TAS2R1: variants seen among roughly 807,000 people sequenced by gnomAD.
The protein encoded by TAS2R1 is taste receptor type 2 member 1.
For synonymous variants in TAS2R1, 141 were observed against 134.2 expected (o/e 1.05, Z -0.35); for missense variants, 370 against 353.4 (o/e 1.05, Z -0.38).
chr5:9,812,787 G>C, the TAS2R1 span, among the ~76,000 whole-genome samples: 4 of 152,154 alleles, frequency 2.6e-5, no homozygotes, highest in Non-Finnish European at 5.9e-5. Flanking sequence ...GGTAGTGAAA[G>C]CAAGCCATGT....
At chr5:9,808,727 T>C in the TAS2R1 span, among the ~76,000 whole-genome samples, 1 of 152,088 alleles carries the variant, frequency 6.6e-6, no homozygotes, top group Non-Finnish European at 1.5e-5. Flanking sequence ...AATAGGATGA[T>C]AGGGAAGATG....
the TAS2R1 span, among the ~76,000 whole-genome samples, chr5:9,823,720 G>T: frequency 1.3e-5 from 2 of 150,246 alleles, no homozygotes; most frequent in African/African-American, 4.9e-5. Flanking sequence ...GGGAGGGACA[G>T]ATGGACGGAG....
At chr5:9,751,530 C>T in the TAS2R1 span, among the ~76,000 whole-genome samples, 1 of 152,202 alleles carries the variant, frequency 6.6e-6, no homozygotes, top group East Asian at 1.9e-4. Context: ...TGTAAAAGGT[C>T]AGAGAAACAT....
the TAS2R1 span, among the ~76,000 whole-genome samples, chr5:9,764,675 T>G: frequency 6.6e-6 from 1 of 152,140 alleles, no homozygotes; most frequent in Non-Finnish European, 1.5e-5. Flanking sequence ...TCATTCACAC[T>G]CTGTCCTATA....
At chr5:9,753,627 C>G in the TAS2R1 span, among the ~76,000 whole-genome samples, 6 of 152,096 alleles carry the variant, frequency 3.9e-5, no homozygotes, top group African/African-American at 1.4e-4. Context: ...TTGCCCATGC[C>G]TATGTCCTGA....
the TAS2R1 span, among the ~76,000 whole-genome samples, chr5:9,755,862 G>A: frequency 1.3e-5 from 2 of 152,318 alleles, no homozygotes; most frequent in Non-Finnish European, 2.9e-5. Flanking sequence ...GTGTAGCAGT[G>A]AGGACAGTCA....
In TAS2R1 at chr5:9,661,018, G is replaced by A. The variant is rs146210792; in HGVS notation, c.-241-1437C>T. ...TTTTTCTCCTAGAATCTCAAGAAAG[G>A]AACACAGCACTGCCAACATCTTCAT... On this transcript the variant is annotated intron_variant, in intron 1 of 2. Transcript: ENST00000506620. Among the ~76,000 whole-genome samples the A allele has an allele frequency of 4.6e-3, 694 of 152,270 alleles. 5 individuals are homozygous for A. Among genetic ancestry groups the A allele is most frequent in the African/African-American group, 0.016 (668 of 41,552 alleles).
chr5:9,663,413 G>T, intron 1 of TAS2R1, among the ~76,000 whole-genome samples: 1 of 152,146 alleles, frequency 6.6e-6, no homozygotes, highest in East Asian at 1.9e-4. Flanking sequence ...GAGGAGGAGA[G>T]ATTTATAAAT....
the TAS2R1 span, among the ~76,000 whole-genome samples, chr5:9,757,772 T>C: frequency 7.2e-5 from 11 of 152,168 alleles, no homozygotes; most frequent in Non-Finnish European, 1.5e-4. Flanking sequence ...TAATTACCAC[T>C]GATAGAAAAG....
chr5:9,798,363 T>A, the TAS2R1 span, among the ~76,000 whole-genome samples: 1 of 152,160 alleles, frequency 6.6e-6, no homozygotes, highest in African/African-American at 2.4e-5. Context: ...AATTGTATAC[T>A]TAAAACAGGT....
the TAS2R1 span, among the ~76,000 whole-genome samples, chr5:9,842,586 G>C: frequency 2.6e-5 from 4 of 152,060 alleles, no homozygotes; most frequent in Non-Finnish European, 5.9e-5. Flanking sequence ...GCCTCCCAAA[G>C]AGCTGGGATT....
chr5:9,796,592 CCTT>C, the TAS2R1 span, among the ~76,000 whole-genome samples: 1 of 151,620 alleles, frequency 6.6e-6, no homozygotes, highest in East Asian at 1.9e-4. Flanking sequence ...CAAATTTCCT[CCTT>C]CTGGGAAGTA....
At chr5:9,882,691 T>C in the TAS2R1 span, among the ~76,000 whole-genome samples, 1 of 152,114 alleles carries the variant, frequency 6.6e-6, no homozygotes, top group African/African-American at 2.4e-5. Context: ...AGTGAGGCTG[T>C]GGAGAAATAG....
the TAS2R1 span, among the ~76,000 whole-genome samples, chr5:9,760,228 C>A: frequency 2.0e-4 from 31 of 152,128 alleles, no homozygotes; most frequent in Non-Finnish European, 1.5e-5. Flanking sequence ...CAGAAAGGAC[C>A]TGGCTCAGCT....
At chr5:9,681,406 AATG>A (rs1478054015) in intron 1 of TAS2R1, among the ~76,000 whole-genome samples, 7 of 151,876 alleles carry the variant, frequency 4.6e-5, no homozygotes, top group African/African-American at 1.7e-4. Context: ...TAAGCCCTTT[AATG>A]TTTCCTATTA....
chr5:9,776,244 G>A, the TAS2R1 span, among the ~76,000 whole-genome samples: 1 of 152,266 alleles, frequency 6.6e-6, no homozygotes, highest in East Asian at 1.9e-4. Flanking sequence ...CCAATGCAAA[G>A]TCCTGTAGTC....
At chr5:9,729,466 G>C in the TAS2R1 span, among the ~76,000 whole-genome samples, 1 of 152,122 alleles carries the variant, frequency 6.6e-6, no homozygotes, top group African/African-American at 2.4e-5. Context: ...TCCAACCTAA[G>C]GTCCCTATTT....
the TAS2R1 span, among the ~76,000 whole-genome samples, chr5:9,830,069 C>G: frequency 6.6e-6 from 1 of 152,176 alleles, no homozygotes; most frequent in East Asian, 1.9e-4. Context: ...AGGCCACAAG[C>G]ATTTTTGCAT....
rs555221545 is a variant in TAS2R1 at position 9,692,084 on chromosome 5, G to A, written c.-242+20088C>T. On this transcript the variant is annotated intron_variant, in intron 1 of 2. Transcript: ENST00000506620. ...TTGTCTCTGGGCTTGTGTCCTCATC[G>A]GGCTCCGCAGTCTGCATCTCATGCT... is the stretch of plus-strand genomic sequence containing the variant. 7.9e-5 allele frequency among the ~76,000 whole-genome samples: 12 copies of A among 152,184 alleles called. No individual in the cohort carries two copies. The East Asian group carries it at 1.2e-3, about 15-fold the overall frequency.
Sources: gnomAD v4.1 joint callset for allele counts (sites outside exome capture counted in the v4.1 genomes callset) on GRCh38, gnomAD v4.1.1 for gene constraint, MANE v1.5 for transcripts, NCBI Gene and HGNC (gene_info 2026-07-23, HGNC 2026-07-21) for gene names.